TBC1D8: variants seen among roughly 807,000 people sequenced by gnomAD.
TBC1D8 encodes the protein TBC1 domain family member 8.
A neutral mutation model predicts 118.8 loss-of-function variants in TBC1D8; 65 were observed. That is an observed-to-expected ratio of 0.55 (90% CI 0.45 to 0.67). The LOEUF (loss-of-function observed/expected upper bound fraction) is 0.67. Ranked by LOEUF, TBC1D8 falls within the 30% of genes least tolerant of loss-of-function variation. TBC1D8 has a pLI of 0.00. For missense variants in TBC1D8, 1,376 were observed against 1,471.2 expected (o/e 0.94, Z 1.06); for synonymous variants, 566 against 595.8 (o/e 0.95, Z 0.73).
chr2:101,025,465 GATT>G (rs2105381016), intron 15 of TBC1D8, among the ~76,000 whole-genome samples: 1 of 152,312 alleles, frequency 6.6e-6, no homozygotes, highest in Admixed American at 6.5e-5. Context: ...GACCTCAAGT[GATT>G]CGGCCTCCCA....
intron 3 of TBC1D8, among the ~76,000 whole-genome samples, chr2:101,054,739 G>A (rs1273373471): frequency 3.0e-5 from 4 of 131,618 alleles, no homozygotes; most frequent in Non-Finnish European, 4.6e-5. Flanking sequence ...CTGGAGTGCA[G>A]TGGCACGATC....
chr2:101,057,501 T>C (rs1206322477), intron 3 of TBC1D8, among the ~76,000 whole-genome samples: 1 of 152,234 alleles, frequency 6.6e-6, no homozygotes, highest in Non-Finnish European at 1.5e-5. Flanking sequence ...ACTGAGTTTC[T>C]GTTACATATA....
chr2:101,013,503 C>A (rs548063169), intron 17 of TBC1D8, among the ~76,000 whole-genome samples: 1 of 152,210 alleles, frequency 6.6e-6, no homozygotes, highest in South Asian at 2.1e-4. Flanking sequence ...CAAGTACTAC[C>A]CAAGTTAAAA....
chr2:101,056,153 T>C (rs567158883), intron 3 of TBC1D8, among the ~76,000 whole-genome samples: 1 of 151,676 alleles, frequency 6.6e-6, no homozygotes, highest in Non-Finnish European at 1.5e-5. Context: ...ATTTTCAAAA[T>C]CAAACCCGAG....
At chr2:101,034,379 A>AGGTCATTT (rs1680869614) in intron 9 of TBC1D8, among the ~76,000 whole-genome samples, 1 of 152,218 alleles carries the variant, frequency 6.6e-6, no homozygotes, top group African/African-American at 2.4e-5. Flanking sequence ...GACACCAAGC[A>AGGTCATTT]CTGATGCGTG....
At chr2:101,149,924 T>C (rs1679480165) in intron 1 of TBC1D8, among the ~76,000 whole-genome samples, 2 of 152,136 alleles carry the variant, frequency 1.3e-5, no homozygotes, top group Admixed American at 6.5e-5. Context: ...AAGCACCGCC[T>C]CCGTCCAGAA....
intron 17 of TBC1D8, among the ~76,000 whole-genome samples, chr2:101,021,256 T>C (rs1341959718): frequency 6.6e-6 from 1 of 152,252 alleles, no homozygotes; most frequent in Non-Finnish European, 1.5e-5. Flanking sequence ...TTCCTTTTCC[T>C]GGTTTCTAGT....
chr2:101,075,337 G>A (rs746758439), intron 2 of TBC1D8, among the ~76,000 whole-genome samples: 2 of 148,106 alleles, frequency 1.4e-5, no homozygotes, highest in African/African-American at 2.5e-5. Flanking sequence ...GGTTCAGTGA[G>A]CCAAGATTGC....
intron 11 of TBC1D8, 108 bp from the exon 12 acceptor site, chr2:101,029,884 A>G: frequency 2.5e-6 from 3 of 1,186,678 alleles, no homozygotes; most frequent in Middle Eastern, 2.1e-4. Context: ...ATGGAATTTG[A>G]GTCCAGAAAA....
At chr2:101,135,815 T>C (rs1046028018) in intron 1 of TBC1D8, among the ~76,000 whole-genome samples, 1 of 152,162 alleles carries the variant, frequency 6.6e-6, no homozygotes, top group African/African-American at 2.4e-5. Context: ...TTGTTCTTCA[T>C]GTTGATTTTG....
intron 17 of TBC1D8, chr2:101,017,960 A>C: frequency 6.5e-7 from 1 of 1,548,484 alleles, no homozygotes; most frequent in Non-Finnish European, 8.7e-7. Context: ...CTTGGTGAAA[A>C]GTCATTATAG....
At chr2:101,040,933 A>G (rs1355215641) in intron 5 of TBC1D8, among the ~76,000 whole-genome samples, 1 of 152,278 alleles carries the variant, frequency 6.6e-6, no homozygotes, top group African/African-American at 2.4e-5. Context: ...GCACAGCAGT[A>G]ATTTAATAAA....
At chr2:101,099,608 C>T (rs1050660406) in intron 1 of TBC1D8, among the ~76,000 whole-genome samples, 1 of 152,142 alleles carries the variant, frequency 6.6e-6, no homozygotes, top group Admixed American at 6.6e-5. Context: ...TGTAAAAATC[C>T]TCAATAACAT....
At chr2:101,096,800 A>G (rs1221442444) in intron 1 of TBC1D8, among the ~76,000 whole-genome samples, 1 of 151,074 alleles carries the variant, frequency 6.6e-6, no homozygotes, top group African/African-American at 2.4e-5. Flanking sequence ...AGAGGGGGAG[A>G]GAGAGAGAGA....
rs116522976 is a variant in TBC1D8 at position 101,090,630 on chromosome 2, G to A, written c.128-266C>T. Reference sequence around the variant, plus strand: ...GTGAACAAAGGGTGCTGAACCAGTCGCCCAGCCTAGCTAAGGCACTAAGTC... The same window carrying A: ...GTGAACAAAGGGTGCTGAACCAGTCACCCAGCCTAGCTAAGGCACTAAGTC... On this transcript the variant is annotated intron_variant, in intron 1 of 19. Transcript: ENST00000409318. 4.5e-3 allele frequency among the ~76,000 whole-genome samples: 684 copies of A among 152,310 alleles called. 2 individuals carry two copies. Among genetic ancestry groups the A allele is most frequent in the Non-Finnish European group, 7.1e-3 (480 of 68,012 alleles).
intron 5 of TBC1D8, among the ~76,000 whole-genome samples, chr2:101,044,709 G>A (rs1296655071): frequency 1.3e-5 from 2 of 152,278 alleles, no homozygotes; most frequent in African/African-American, 2.4e-5. Flanking sequence ...CTCTAAGAGA[G>A]AGCTACAGCT....
At chr2:101,033,121 A>ATTTT (rs1224891423) in intron 10 of TBC1D8, among the ~76,000 whole-genome samples, 1 of 87,742 alleles carries the variant, frequency 1.1e-5, no homozygotes, top group Non-Finnish European at 2.8e-5. Flanking sequence ...GCACTCGGTA[A>ATTTT]ATTTTTTTTT....
At chr2:101,110,980 C>CAAAAAA (rs10708630) in intron 1 of TBC1D8, among the ~76,000 whole-genome samples, 1 of 87,214 alleles carries the variant, frequency 1.1e-5, no homozygotes, top group Admixed American at 1.2e-4. Context: ...AACTCCATCG[C>CAAAAAA]AAAAAAAAAA....
chr2:101,018,038 T>C (rs1400707560), intron 17 of TBC1D8: 9 of 1,044,926 alleles, frequency 8.6e-6, no homozygotes, highest in Non-Finnish European at 1.1e-5. Flanking sequence ...TATCAACCCC[T>C]TTTTCACTGA....
Sources: allele counts gnomAD v4.1 joint callset (sites outside exome capture counted in the v4.1 genomes callset), GRCh38; gene constraint gnomAD v4.1.1; transcripts MANE v1.5; gene names NCBI Gene and HGNC (gene_info 2026-07-23, HGNC 2026-07-21).